The following CRIM1 variants were observed in gnomAD, a reference collection of about 807,000 sequenced individuals.
CRIM1 encodes the protein cysteine-rich motor neuron 1 protein.
CRIM1 carries 32 observed loss-of-function variants against 116.4 expected under a neutral mutation model. The observed-to-expected ratio is 0.27, with a 90% CI of 0.21 to 0.37. The LOEUF (loss-of-function observed/expected upper bound fraction) is 0.37. CRIM1 is among the 10% of genes least tolerant of loss of function. The pLI is 1.00. For synonymous variants in CRIM1, 590 were observed against 509.2 expected (o/e 1.16, Z -2.13); for missense variants, 1,331 against 1,354.8 (o/e 0.98, Z 0.28).
intron 2 of CRIM1, among the ~76,000 whole-genome samples, chr2:36,399,942 A>G (rs1323313139): frequency 6.6e-6 from 1 of 152,236 alleles, no homozygotes; most frequent in East Asian, 1.9e-4. Flanking sequence ...TGGTGCTGAC[A>G]GCTTACTTGA....
intron 2 of CRIM1, among the ~76,000 whole-genome samples, chr2:36,401,194 A>T (rs1572648675): frequency 6.6e-6 from 1 of 152,178 alleles, no homozygotes; most frequent in East Asian, 1.9e-4. Flanking sequence ...TGTATTACTT[A>T]TGTTTGTTTA....
chr2:36,516,611 G>C (rs2125119843), intron 11 of CRIM1, among the ~76,000 whole-genome samples: 1 of 152,046 alleles, frequency 6.6e-6, no homozygotes, highest in Non-Finnish European at 1.5e-5. Flanking sequence ...CACATGTTTA[G>C]TCTCAGGTGA....
At chr2:36,491,746 C>G (rs1468054277) in intron 7 of CRIM1, among the ~76,000 whole-genome samples, 8 of 152,118 alleles carry the variant, frequency 5.3e-5, no homozygotes, top group African/African-American at 1.7e-4. Context: ...TTCCAGTTAC[C>G]AAAAGTCTGA....
intron 8 of CRIM1, among the ~76,000 whole-genome samples, chr2:36,509,395 TGC>T (rs1261815950): frequency 6.6e-6 from 1 of 152,106 alleles, no homozygotes; most frequent in Non-Finnish European, 1.5e-5. Flanking sequence ...GGCGTGGTGG[TGC>T]ATGCCTGTAA....
At chr2:36,423,437 C>T (rs1329905826) in intron 2 of CRIM1, among the ~76,000 whole-genome samples, 1 of 152,216 alleles carries the variant, frequency 6.6e-6, no homozygotes, top group Non-Finnish European at 1.5e-5. Flanking sequence ...TTACAATGTT[C>T]CTTTGTTAAC....
chr2:36,538,631 T>C (rs924397351), intron 14 of CRIM1, among the ~76,000 whole-genome samples: 1 of 152,210 alleles, frequency 6.6e-6, no homozygotes, highest in Admixed American at 6.5e-5. Flanking sequence ...TTGTGCAGAC[T>C]AGCCCCAATT....
In CRIM1 at chr2:36,537,490, C is replaced by T. The variant is rs201789171; in HGVS notation, c.2567C>T (p.Pro856Leu). The change falls in exon 14 of 17, where the codon CCT becomes CTT. Residue 856 changes from proline to leucine, a missense_variant. Transcript: ENST00000280527. ...QTLCSTVSCP[P>L]LPCVEPINVE... is the part of the protein sequence containing the mutation. ...CTCTGCTCGACCGTCAGCTGCCCCC[C>T]TCTGCCCTGTGTTGAGCCCATCAAC... 53 of 1,614,090 alleles carry T rather than the reference C, an allele frequency of 3.3e-5. 1 individual carries two copies. Among genetic ancestry groups the T allele is most frequent in the South Asian group, 4.4e-5 (4 of 91,074 alleles).
At chr2:36,534,060 G>A (rs534695330) in intron 13 of CRIM1, among the ~76,000 whole-genome samples, 1 of 143,428 alleles carries the variant, frequency 7.0e-6, no homozygotes, top group African/African-American at 2.6e-5. Flanking sequence ...GGAGAAGGAA[G>A]GAAGGTGAGG....
intron 7 of CRIM1, among the ~76,000 whole-genome samples, chr2:36,483,227 T>TGTGGAATAGCATATAAAGTTTTCA (rs1469072377): frequency 3.9e-5 from 6 of 152,116 alleles, no homozygotes; most frequent in Non-Finnish European, 7.4e-5. Context: ...GGTGGAAACG[T>TGTGGAATAGCATATAAAGTTTTCA]GTGGAATAGC....
intron 2 of CRIM1, among the ~76,000 whole-genome samples, chr2:36,426,678 C>A (rs757452902): frequency 6.6e-6 from 1 of 152,166 alleles, no homozygotes; most frequent in Non-Finnish European, 1.5e-5. Context: ...CACATTGAGC[C>A]AGTCCATCAA....
At chr2:36,453,295 G>C (rs711255) in intron 4 of CRIM1, among the ~76,000 whole-genome samples, 118,477 of 152,182 alleles carry the variant, frequency 0.78, 46,792 homozygotes, top group East Asian at 0.98. Context: ...ACAGCAAGTG[G>C]TTTGTAAATT....
intron 1 of CRIM1, among the ~76,000 whole-genome samples, chr2:36,367,874 G>A (rs1158979809): frequency 6.6e-6 from 1 of 152,152 alleles, no homozygotes; most frequent in Admixed American, 6.5e-5. Context: ...CCTCTCTTAT[G>A]TGTTTGCTGC....
At chr2:36,402,855 C>G (rs1333788491) in intron 2 of CRIM1, among the ~76,000 whole-genome samples, 1 of 151,720 alleles carries the variant, frequency 6.6e-6, no homozygotes, top group African/African-American at 2.4e-5. Flanking sequence ...GAGGGAGGAC[C>G]AGATTTAGGA....
intron 5 of CRIM1, among the ~76,000 whole-genome samples, chr2:36,475,878 C>G (rs575649928): frequency 1.2e-4 from 19 of 152,260 alleles, no homozygotes; most frequent in African/African-American, 3.6e-4. Context: ...ATCGTATTAA[C>G]ATTAATATTT....
chr2:36,358,128 G>GA (rs111787150), intron 1 of CRIM1, among the ~76,000 whole-genome samples: 95,108 of 151,444 alleles, frequency 0.63, 30,035 homozygotes, highest in Admixed American at 0.67. Context: ...GTAAGACATT[G>GA]GGTTAGAAGA....
chr2:36,441,458 G>C lies in CRIM1; in HGVS notation c.706G>C (p.Gly236Arg). The C allele has an allele frequency of 6.2e-7, 1 of 1,613,372 alleles. No homozygotes were observed. The highest frequency in any genetic ancestry group is 8.5e-7 in the Non-Finnish European group (1 of 1,180,020). Reference sequence around the variant, plus strand: ...GAACATACTAGTGTCAAAAGCCTCAGGGAAGCCGGGAGAGTGCTGTGACCT... The same window carrying C: ...GAACATACTAGTGTCAAAAGCCTCACGGAAGCCGGGAGAGTGCTGTGACCT... ...NLNILVSKAS[G>R]KPGECCDLYE... The change falls in exon 3 of 17, where the codon GGG becomes CGG. Residue 236 changes from glycine (G) to arginine (R), a missense_variant. Transcript: ENST00000280527.
At chr2:36,485,976 A>G (rs1453323730) in intron 7 of CRIM1, among the ~76,000 whole-genome samples, 1 of 152,250 alleles carries the variant, frequency 6.6e-6, no homozygotes, top group Non-Finnish European at 1.5e-5. Context: ...ATGTTGGGTA[A>G]CAAATGCGTA....
chr2:36,451,404 G>A (rs1676712765), intron 4 of CRIM1, among the ~76,000 whole-genome samples: 1 of 152,138 alleles, frequency 6.6e-6, no homozygotes, highest in South Asian at 2.1e-4. Flanking sequence ...ACAGTAATAT[G>A]CCAGCTTTAA....
intron 7 of CRIM1, among the ~76,000 whole-genome samples, chr2:36,481,171 C>A (rs1262852350): frequency 6.6e-6 from 1 of 152,164 alleles, no homozygotes; most frequent in Non-Finnish European, 1.5e-5. Context: ...AATAAAAGAG[C>A]CTTTCCTCTG....
Sources: allele counts gnomAD v4.1 joint callset (sites outside exome capture counted in the v4.1 genomes callset), GRCh38; gene constraint gnomAD v4.1.1; transcripts MANE v1.5; gene names NCBI Gene and HGNC (gene_info 2026-07-23, HGNC 2026-07-21).